The following ZSWIM5 variants were observed in gnomAD, a reference collection of about 807,000 sequenced individuals.
ZSWIM5 encodes the protein zinc finger SWIM domain-containing protein 5.
A neutral mutation model predicts 119.6 loss-of-function variants in ZSWIM5; 55 were observed. That is an observed-to-expected ratio of 0.46 (90% confidence interval 0.37 to 0.58). The LOEUF is 0.58. Among genes scored for constraint, ZSWIM5 ranks in the 20% least tolerant of loss-of-function variants. The probability of loss-of-function intolerance (pLI) is 0.00; values close to 1 mark genes in which losing one functional copy is unlikely to be tolerated. For missense variants in ZSWIM5, 1,193 were observed against 1,512.8 expected, an observed-to-expected ratio of 0.79 and a Z score of 3.51; for synonymous variants, 537 against 606.9, an observed-to-expected ratio of 0.88 and a Z score of 1.69.
At chr1:45,201,990 G>A (rs1032973718) in intron 1 of ZSWIM5, among the ~76,000 whole-genome samples, 2 of 151,952 alleles carry the variant, frequency 1.3e-5, no homozygotes, top group Non-Finnish European at 2.9e-5. Flanking sequence ...TAAAATGTGT[G>A]CATATGTGAT....
intron 2 of ZSWIM5, among the ~76,000 whole-genome samples, chr1:45,084,791 C>T (rs528391358): frequency 6.6e-6 from 1 of 152,258 alleles, no homozygotes; most frequent in Non-Finnish European, 1.5e-5. Flanking sequence ...AGCTCCACCC[C>T]CTGAGAGCTC....
intron 2 of ZSWIM5, among the ~76,000 whole-genome samples, chr1:45,062,355 C>CT (rs58507899): frequency 0.048 from 7,306 of 152,200 alleles, 217 homozygotes; most frequent in East Asian, 0.11. Context: ...CTTTGCTATG[C>CT]TTTTTTGTAG....
rs538341038 is a variant in ZSWIM5 at position 45,153,710 on chromosome 1, C to T, written c.595+52046G>A. 2.1e-3 allele frequency among the ~76,000 whole-genome samples: 324 copies of T among 152,108 alleles called. 2 individuals are homozygous for T. The highest frequency in any genetic ancestry group is 2.2e-3 in the Non-Finnish European group (148 of 67,980). On this transcript the variant is annotated intron_variant, in intron 1 of 13. Coordinates refer to ENST00000359600, the MANE Select transcript of ZSWIM5 (RefSeq NM_020883.2). ...TGGATAAAGAAAATGTGGTAGATAA[C>T]TTCTATTCAAAATAGTACTGGAAGT...
chr1:45,046,028 C>T (rs1034032395), intron 5 of ZSWIM5, among the ~76,000 whole-genome samples: 3 of 151,502 alleles, frequency 2.0e-5, no homozygotes, highest in Non-Finnish European at 4.4e-5. Flanking sequence ...GTGAGGAGGC[C>T]AGTATAGTTG....
chr1:45,133,096 C>G (rs564247107), intron 1 of ZSWIM5, among the ~76,000 whole-genome samples: 2 of 152,122 alleles, frequency 1.3e-5, no homozygotes, highest in Non-Finnish European at 2.9e-5. Context: ...GTCTTTATAG[C>G]AGCATGATTT....
intron 1 of ZSWIM5, among the ~76,000 whole-genome samples, chr1:45,164,112 A>G (rs975290790): frequency 6.6e-6 from 1 of 152,250 alleles, no homozygotes; most frequent in Non-Finnish European, 1.5e-5. Flanking sequence ...TCAGACTAAC[A>G]GTGGATCTCT....
Position 45,020,688 on chromosome 1 carries a change from A to G in ZSWIM5, c.2550T>C (p.Ala850=), listed in dbSNP as rs1644882560. The stretch of plus-strand genomic sequence containing the variant: ...TGTCAGTACTACTGTCGGTGGGAGT[A>G]GCAATCTTGAATGCATCTTGGGCCA... ...FKLAQDAFKI[A]TPTDSSTDST... Residue 850 remains alanine (A), a synonymous_variant, in exon 12 of 14, where the codon GCT becomes GCC. Coordinates refer to ENST00000359600, the MANE Select transcript of ZSWIM5 (RefSeq NM_020883.2). 1 of 1,614,134 alleles carries G rather than the reference A, an allele frequency of 6.2e-7. No individual in the cohort carries two copies. The highest frequency in any genetic ancestry group is 1.1e-5 in the South Asian group (1 of 91,078).
intron 2 of ZSWIM5, 61 bp downstream of exon 2, chr1:45,087,820 G>A: frequency 1.6e-6 from 2 of 1,222,452 alleles, no homozygotes; most frequent in Non-Finnish European, 2.3e-6. Flanking sequence ...TAAGAGGGTT[G>A]CTTTGGTGAC....
chr1:45,187,638 G>A (rs1308495431), intron 1 of ZSWIM5, among the ~76,000 whole-genome samples: 2 of 151,510 alleles, frequency 1.3e-5, no homozygotes, highest in African/African-American at 4.9e-5. Context: ...TGCTTCAAAG[G>A]ACACTATCAA....
Position 45,018,747 on chromosome 1 carries a change from C to T in ZSWIM5, c.3265G>A (p.Ala1089Thr). 6.2e-7 allele frequency: 1 copy of T among 1,614,236 alleles called. No individual in the cohort carries two copies. Among genetic ancestry groups the T allele is most frequent in the Non-Finnish European group, 8.5e-7 (1 of 1,180,044 alleles). The stretch of plus-strand genomic sequence containing the variant: ...GAGCTTCGGCGGCCTGGGATGCCGG[C>T]CAGGCCAGGTGCAGTCACTGTGCAG... The part of the protein sequence containing the change: ...RRCTVTAPGL[A>T]GIPGRRSSGK... Residue 1089 changes from alanine to threonine, a missense_variant, in exon 14 of 14, where the codon GCC (alanine) becomes ACC (threonine). Transcript: ENST00000359600. The surrounding 1 kb of genome is among the most constrained non-coding windows in gnomAD (Gnocchi z 6.7).
At chr1:45,083,113 A>C (rs367904599) in intron 2 of ZSWIM5, among the ~76,000 whole-genome samples, 1 of 152,166 alleles carries the variant, frequency 6.6e-6, no homozygotes, top group African/African-American at 2.4e-5. Flanking sequence ...ATAAGAAGAG[A>C]TATGGAGAGC....
At chr1:45,093,728 C>G (rs904203482) in intron 1 of ZSWIM5, among the ~76,000 whole-genome samples, 2 of 152,132 alleles carry the variant, frequency 1.3e-5, no homozygotes, top group Non-Finnish European at 2.9e-5. Context: ...TCTGATTACT[C>G]CTGAGAATAA....
chr1:45,069,052 T>TC (rs1645203753), intron 2 of ZSWIM5, among the ~76,000 whole-genome samples: 1 of 151,856 alleles, frequency 6.6e-6, no homozygotes, highest in East Asian at 1.9e-4. Flanking sequence ...GCTCATGCGA[T>TC]CCTCCTGCTT....
rs1362954720 is a variant in ZSWIM5 at position 45,069,362 on chromosome 1, C to CTCA, written c.953-9116_953-9115insTGA. Among the ~76,000 whole-genome samples, 5 of 151,438 alleles carry CTCA rather than the reference C, an allele frequency of 3.3e-5. No individual in the cohort carries two copies. In the East Asian group the frequency reaches 9.8e-4, roughly 30 times the overall value. On this transcript the variant is annotated intron_variant, in intron 2 of 13. Transcript: ENST00000359600. Reference sequence around the variant, plus strand: ...AATGGTGTGAACCCGGGAGGCGGAGCTTGCAGTGAGCCAAGATCGTGCCAC... The same window carrying CTCA: ...AATGGTGTGAACCCGGGAGGCGGAGCTCATTGCAGTGAGCCAAGATCGTGCCAC...
chr1:45,070,140 C>G, intron 2 of ZSWIM5: 1 of 1,138,552 alleles, frequency 8.8e-7, no homozygotes, highest in East Asian at 2.3e-5. Flanking sequence ...ACCTAAACCT[C>G]CCACTGTAAA....
At chr1:45,167,309 T>C (rs922693150) in intron 1 of ZSWIM5, among the ~76,000 whole-genome samples, 1 of 151,566 alleles carries the variant, frequency 6.6e-6, no homozygotes, top group Non-Finnish European at 1.5e-5. Context: ...TTACACCTTA[T>C]ACAAAAACTA....
At chr1:45,193,416 A>G (rs948328468) in intron 1 of ZSWIM5, among the ~76,000 whole-genome samples, 4 of 152,194 alleles carry the variant, frequency 2.6e-5, no homozygotes, top group African/African-American at 9.7e-5. Flanking sequence ...GGCGCATCCT[A>G]CTATTGTGGG....
At chr1:45,025,860 C>T (rs1644917622) in intron 11 of ZSWIM5, among the ~76,000 whole-genome samples, 1 of 152,144 alleles carries the variant, frequency 6.6e-6, no homozygotes, top group South Asian at 2.1e-4. Context: ...TGGGACATAA[C>T]CCTGTCATTA....
intron 11 of ZSWIM5, among the ~76,000 whole-genome samples, chr1:45,021,883 A>C (rs1380976233): frequency 6.6e-6 from 1 of 151,726 alleles, no homozygotes; most frequent in Non-Finnish European, 1.5e-5. Flanking sequence ...TTAGCCAGGC[A>C]TGGTGGCGTG....
Sources: allele counts gnomAD v4.1 joint callset (sites outside exome capture counted in the v4.1 genomes callset), GRCh38; gene constraint gnomAD v4.1.1; non-coding constraint Gnocchi (gnomAD v3.1); transcripts MANE v1.5; gene names NCBI Gene and HGNC (gene_info 2026-07-23, HGNC 2026-07-21).